ATP8A2: variants seen among roughly 807,000 people sequenced by gnomAD.
The protein encoded by ATP8A2 is phospholipid-transporting ATPase IB.
ATP8A2 carries 100 observed loss-of-function variants against 165.6 expected under a neutral mutation model. That is an observed-to-expected ratio of 0.60 (90% confidence interval 0.51 to 0.71). The LOEUF is 0.71. Among genes scored for constraint, ATP8A2 ranks in the 30% least tolerant of loss-of-function variants. ATP8A2 has a pLI of 0.00. For synonymous variants in ATP8A2, 543 were observed against 548.8 expected, an observed-to-expected ratio of 0.99 and a Z score of 0.15; for missense variants, 1,227 against 1,479.5, an observed-to-expected ratio of 0.83 and a Z score of 2.80.
rs559911520 is a variant in ATP8A2 at position 25,790,683 on chromosome 13, G to T, written c.2679+15724G>T. 1.4e-3 allele frequency among the ~76,000 whole-genome samples: 204 copies of T among 145,074 alleles called. No homozygotes were observed. The Middle Eastern group carries it at 0.014, about 10-fold the overall frequency. Reference sequence around the variant, plus strand: ...TACTCCAGCCTGGGCAACAAAGTGAGACCTTGTCTCAAAAAAAAAAAAAAA... The same window carrying T: ...TACTCCAGCCTGGGCAACAAAGTGATACCTTGTCTCAAAAAAAAAAAAAAA... On this transcript the variant is annotated intron_variant, in intron 27 of 36. Transcript: ENST00000381655.
At chr13:25,899,257 G>C (rs1331025028) in intron 33 of ATP8A2, among the ~76,000 whole-genome samples, 1 of 152,234 alleles carries the variant, frequency 6.6e-6, no homozygotes, top group African/African-American at 2.4e-5. Flanking sequence ...GCTCTGTAGA[G>C]CAAGGGCAGC....
intron 33 of ATP8A2, among the ~76,000 whole-genome samples, chr13:25,865,966 A>G (rs926721892): frequency 1.5e-4 from 23 of 152,182 alleles, no homozygotes; most frequent in South Asian, 2.1e-4. Flanking sequence ...TAGAATAACC[A>G]TGAGATAAAA....
intron 33 of ATP8A2, among the ~76,000 whole-genome samples, chr13:25,916,313 C>T (rs1051220614): frequency 6.6e-6 from 1 of 152,214 alleles, no homozygotes; most frequent in African/African-American, 2.4e-5. Flanking sequence ...GCCGTGGGCA[C>T]AGCACACCGG....
chr13:25,930,083 C>G (rs529063954), intron 33 of ATP8A2, among the ~76,000 whole-genome samples: 3 of 152,200 alleles, frequency 2.0e-5, no homozygotes, highest in East Asian at 3.9e-4. Flanking sequence ...TCATGAGGGT[C>G]TTTCTAGTCT....
intron 1 of ATP8A2, among the ~76,000 whole-genome samples, chr13:25,466,893 C>T (rs2035683646): frequency 6.6e-6 from 1 of 152,160 alleles, no homozygotes; most frequent in Admixed American, 6.5e-5. Flanking sequence ...ATATCTGGTA[C>T]TGTGGAGGAA....
chr13:25,632,004 A>G lies in ATP8A2; in HGVS notation c.2211+42305A>G, dbSNP rs182985221. On this transcript the variant is annotated intron_variant, in intron 24 of 36. Coordinates refer to ENST00000381655, the MANE Select transcript of ATP8A2 (RefSeq NM_016529.6). ...AGGCTCTCCCCGACCTTAGAATCCA[A>G]TCGCAAGCCCCACCCCCTGACACCC... Among the ~76,000 whole-genome samples, 216 of 152,218 alleles carry G rather than the reference A, an allele frequency of 1.4e-3. 1 individual carries two copies. Among genetic ancestry groups the G allele is most frequent in the African/African-American group, 4.8e-3 (199 of 41,560 alleles).
At chr13:25,551,276 C>T in intron 10 of ATP8A2, 62 bp from the exon 11 acceptor site, 1 of 1,501,010 alleles carries the variant, frequency 6.7e-7, no homozygotes, top group South Asian at 1.3e-5. Flanking sequence ...ACCTCCTTTC[C>T]CCCAACCCCT....
intron 27 of ATP8A2, among the ~76,000 whole-genome samples, chr13:25,810,727 G>T (rs937090179): frequency 6.6e-5 from 10 of 152,098 alleles, no homozygotes; most frequent in Admixed American, 6.6e-4. Context: ...GACATGAATG[G>T]CTCACTGAGA....
intron 25 of ATP8A2, among the ~76,000 whole-genome samples, chr13:25,759,638 T>C (rs1474413206): frequency 6.6e-6 from 1 of 152,184 alleles, no homozygotes; most frequent in African/African-American, 2.4e-5. Flanking sequence ...AACATTAAGG[T>C]ATTTAGATGT....
chr13:25,967,331 G>A (rs1050021958), intron 34 of ATP8A2, among the ~76,000 whole-genome samples: 12 of 152,134 alleles, frequency 7.9e-5, no homozygotes, highest in Admixed American at 4.6e-4. Context: ...TTTACTTTGG[G>A]GGAAAGGATG....
intron 2 of ATP8A2, among the ~76,000 whole-genome samples, chr13:25,512,694 C>T (rs2037282803): frequency 1.4e-5 from 2 of 146,500 alleles, no homozygotes; most frequent in Non-Finnish European, 3.0e-5. Context: ...GCTGACCCCC[C>T]AACCTCCCTC....
At position 25,898,813 on chromosome 13, in the gene ATP8A2, A is replaced by T. The variant is rs577908024; in HGVS notation, c.3183+36405A>T. Among the ~76,000 whole-genome samples, 20 of 152,336 alleles carry T rather than the reference A, an allele frequency of 1.3e-4. 1 individual carries two copies. The South Asian group carries it at 3.7e-3, about 28-fold the overall frequency. ...TAGCAATGAACGAGGCTCCGTGGGC[A>T]TAGAACCCTCCGAGCTAGGTGCCGG... On this transcript the variant is annotated intron_variant, in intron 33 of 36. Coordinates refer to ENST00000381655, the MANE Select transcript of ATP8A2 (RefSeq NM_016529.6).
chr13:25,733,596 A>T (rs1224567189), intron 25 of ATP8A2, among the ~76,000 whole-genome samples: 2 of 152,204 alleles, frequency 1.3e-5, no homozygotes, highest in Non-Finnish European at 2.9e-5. Flanking sequence ...TTAGTCATTT[A>T]TAATTTATTC....
chr13:25,748,281 A>C (rs2044078578), intron 25 of ATP8A2, among the ~76,000 whole-genome samples: 1 of 152,180 alleles, frequency 6.6e-6, no homozygotes, highest in Non-Finnish European at 1.5e-5. Flanking sequence ...TATTTCAGCA[A>C]ATTGGTCAGA....
intron 34 of ATP8A2, among the ~76,000 whole-genome samples, chr13:25,962,621 A>G (rs1315364535): frequency 6.6e-6 from 1 of 152,204 alleles, no homozygotes; most frequent in African/African-American, 2.4e-5. Flanking sequence ...AATAGGTGCC[A>G]ACTTCTCTGA....
intron 16 of ATP8A2, among the ~76,000 whole-genome samples, chr13:25,569,025 A>G (rs1200418494): frequency 6.6e-6 from 1 of 152,208 alleles, no homozygotes; most frequent in Non-Finnish European, 1.5e-5. Flanking sequence ...TATAACTCTT[A>G]GAAAATATCT....
chr13:25,874,321 G>A (rs1018464403), intron 33 of ATP8A2, among the ~76,000 whole-genome samples: 1 of 152,148 alleles, frequency 6.6e-6, no homozygotes, highest in Non-Finnish European at 1.5e-5. Context: ...ACTGGTCTCC[G>A]CCTCCTACCA....
intron 1 of ATP8A2, among the ~76,000 whole-genome samples, chr13:25,385,010 A>G (rs2032989397): frequency 6.6e-6 from 1 of 152,210 alleles, no homozygotes; most frequent in South Asian, 2.1e-4. Flanking sequence ...TTTCTTCCAC[A>G]TAAGCAGCTC....
rs946150553 is a variant in ATP8A2, at chr13:25,500,460, C to T, written c.222-29539C>T. 2.0e-5 allele frequency among the ~76,000 whole-genome samples: 3 copies of T among 152,166 alleles called. 1 individual carries two copies. The South Asian group carries it at 6.2e-4, about 31-fold the overall frequency. ...CAATGCATTAGTGTTACAGTGCAGACAGGGATTATCTCCATAATATTGTGT... is the reference window on the plus strand; with the variant it reads ...CAATGCATTAGTGTTACAGTGCAGATAGGGATTATCTCCATAATATTGTGT... On this transcript the variant is annotated intron_variant, in intron 2 of 36. Transcript: ENST00000381655.
Sources: allele counts gnomAD v4.1 joint callset (sites outside exome capture counted in the v4.1 genomes callset), GRCh38; gene constraint gnomAD v4.1.1; transcripts MANE v1.5; gene names NCBI Gene and HGNC (gene_info 2026-07-23, HGNC 2026-07-21).